The following PDE11A variants were observed in gnomAD, a reference collection of about 807,000 sequenced individuals.
PDE11A encodes phosphodiesterase 11A, also known as dual 3',5'-cyclic-AMP and -GMP phosphodiesterase 11A.
PDE11A carries 100 observed loss-of-function variants against 100.5 expected under a neutral mutation model. The observed-to-expected ratio is 1.00, with a 90% confidence interval of 0.85 to 1.18. The LOEUF is 1.18. PDE11A is among the 50% of genes most tolerant of loss of function. The pLI, the probability that PDE11A is intolerant of heterozygous loss-of-function variation, is 0.00. For missense variants in PDE11A, 1,141 were observed against 1,152.6 expected, an observed-to-expected ratio of 0.99 and a Z score of 0.15; for synonymous variants, 381 against 420.8, an observed-to-expected ratio of 0.91 and a Z score of 1.16.
chr2:177,882,074 C>T (rs1027643179), intron 4 of PDE11A, among the ~76,000 whole-genome samples: 1 of 152,128 alleles, frequency 6.6e-6, no homozygotes, highest in African/African-American at 2.4e-5. Context: ...GAGATATACT[C>T]GAGGATATAT....
Position 177,932,397 on chromosome 2 carries a change from G to T in PDE11A, c.1072-27210C>A, listed in dbSNP as rs567188116. ...CAATATCTTTGATGAACATAGACAT[G>T]AAAATATTCAACAAAATTCAACAAT... On this transcript the variant is annotated intron_variant, in intron 2 of 19. Coordinates refer to ENST00000286063, the MANE Select transcript of PDE11A (RefSeq NM_016953.4). 4.1e-4 allele frequency among the ~76,000 whole-genome samples: 62 copies of T among 152,084 alleles called. 1 individual carries two copies. Among genetic ancestry groups the T allele is most frequent in the African/African-American group, 1.4e-3 (59 of 41,526 alleles).
intron 3 of PDE11A, among the ~76,000 whole-genome samples, chr2:177,904,835 T>G (rs1250258373): frequency 6.6e-6 from 1 of 152,202 alleles, no homozygotes; most frequent in Non-Finnish European, 1.5e-5. Flanking sequence ...ATTACAGGCT[T>G]AAGCCATCGT....
intron 9 of PDE11A, chr2:177,796,967 C>G (rs1431997974): frequency 1.3e-5 from 2 of 152,166 alleles, no homozygotes; most frequent in African/African-American, 4.8e-5. Flanking sequence ...TTGAAAGAAA[C>G]AGTTTCCTTA....
intron 2 of PDE11A, among the ~76,000 whole-genome samples, chr2:177,959,692 T>C (rs576634507): frequency 6.6e-6 from 1 of 152,266 alleles, no homozygotes; most frequent in African/African-American, 2.4e-5. Context: ...GGAAAGGCTT[T>C]GGAGAAAATA....
chr2:177,727,832 G>A, intron 11 of PDE11A, 67 bp from the exon 12 acceptor site: 1 of 1,040,164 alleles, frequency 9.6e-7, no homozygotes, highest in Non-Finnish European at 1.5e-6. Flanking sequence ...TATCTCAATG[G>A]TGCCTTATAT....
intron 10 of PDE11A, among the ~76,000 whole-genome samples, chr2:177,729,315 T>C (rs1458784872): frequency 6.6e-6 from 1 of 152,094 alleles, no homozygotes; most frequent in Non-Finnish European, 1.5e-5. Flanking sequence ...GTTTCACGAA[T>C]AAATCACTCC....
chr2:177,628,639 AC>A lies in PDE11A; in HGVS notation c.*767del, dbSNP rs2079870841. ...GATGTCACTTGTGGTAAATCCAGCT[AC>A]AGATTTCCTTCCACCCTTACTTTAA... On this transcript the variant is annotated 3_prime_UTR_variant, in exon 20 of 20. Coordinates refer to ENST00000286063, the MANE Select transcript of PDE11A (RefSeq NM_016953.4). 2 of 152,360 alleles carry A rather than the reference AC, an allele frequency of 1.3e-5. No individual in the cohort carries two copies. The highest frequency in any genetic ancestry group is 4.8e-5 in the African/African-American group (2 of 41,448). 9.4% of individuals were successfully genotyped at this position (152,360 alleles called of 1,614,324 possible).
At chr2:177,700,278 A>C (rs550084207) in intron 14 of PDE11A, among the ~76,000 whole-genome samples, 18 of 151,746 alleles carry the variant, frequency 1.2e-4, no homozygotes, top group African/African-American at 3.4e-4. Context: ...GAGGTAAAAA[A>C]CCTCCATATT....
chr2:177,981,783 G>A (rs183844846), intron 2 of PDE11A, among the ~76,000 whole-genome samples: 3 of 151,102 alleles, frequency 2.0e-5, no homozygotes, highest in Non-Finnish European at 3.0e-5. Context: ...AGTACATGAA[G>A]TACTTCAAAA....
At chr2:177,882,542 G>T (rs1271981555) in intron 4 of PDE11A, among the ~76,000 whole-genome samples, 1 of 151,962 alleles carries the variant, frequency 6.6e-6, no homozygotes, top group Non-Finnish European at 1.5e-5. Context: ...AAATGAACAT[G>T]GATTAAATAA....
chr2:177,868,463 G>A (rs538839493), intron 5 of PDE11A, among the ~76,000 whole-genome samples: 2 of 152,134 alleles, frequency 1.3e-5, no homozygotes, highest in African/African-American at 4.8e-5. Context: ...ATGAGGCAAT[G>A]CATTATCACT....
At chr2:177,916,542 T>C (rs1421693658) in intron 2 of PDE11A, among the ~76,000 whole-genome samples, 1 of 152,168 alleles carries the variant, frequency 6.6e-6, no homozygotes, top group African/African-American at 2.4e-5. Context: ...TTCCTGGTCC[T>C]AGACTGAACT....
chr2:178,086,812 C>T (rs752356413), intron 2 of PDE11A, among the ~76,000 whole-genome samples: 2 of 152,142 alleles, frequency 1.3e-5, no homozygotes, highest in Non-Finnish European at 2.9e-5. Flanking sequence ...TTTTGTGAAA[C>T]CAGGACCCAT....
intron 2 of PDE11A, among the ~76,000 whole-genome samples, chr2:178,000,497 A>G (rs951274086): frequency 6.6e-6 from 1 of 152,244 alleles, no homozygotes. Context: ...ACAACTTTTT[A>G]AAGCAAGAAA....
intron 2 of PDE11A, among the ~76,000 whole-genome samples, chr2:178,098,882 T>C (rs927095990): frequency 6.6e-6 from 1 of 152,204 alleles, no homozygotes; most frequent in African/African-American, 2.4e-5. Context: ...CTTAAATCCC[T>C]AATAAGATAG....
intron 6 of PDE11A, among the ~76,000 whole-genome samples, chr2:177,828,530 G>C (rs889171467): frequency 6.6e-6 from 1 of 152,068 alleles, no homozygotes; most frequent in African/African-American, 2.4e-5. Context: ...AAGATGATAG[G>C]GAAAAAACAG....
chr2:177,988,233 T>A (rs1001146121), intron 2 of PDE11A, among the ~76,000 whole-genome samples: 1 of 152,228 alleles, frequency 6.6e-6, no homozygotes, highest in African/African-American at 2.4e-5. Context: ...GATGCTTCCA[T>A]GGTTCAACCC....
At chr2:177,653,549 G>T (rs1409239337) in intron 19 of PDE11A, among the ~76,000 whole-genome samples, 1 of 152,178 alleles carries the variant, frequency 6.6e-6, no homozygotes, top group Non-Finnish European at 1.5e-5. Context: ...AGTTATCAAG[G>T]TAAGGTGAGA....
At chr2:177,744,167 G>A (rs979857511) in intron 10 of PDE11A, among the ~76,000 whole-genome samples, 1 of 152,136 alleles carries the variant, frequency 6.6e-6, no homozygotes, top group African/African-American at 2.4e-5. Context: ...AAAGTTGGAG[G>A]TATTGGGGGA....
Sources: gnomAD v4.1 joint callset for allele counts (sites outside exome capture counted in the v4.1 genomes callset) on GRCh38, gnomAD v4.1.1 for gene constraint, MANE v1.5 for transcripts, NCBI Gene and HGNC (gene_info 2026-07-23, HGNC 2026-07-21) for gene names.